The following MAST2 variants were observed in gnomAD, a reference collection of about 807,000 sequenced individuals.
MAST2 encodes microtubule associated serine/threonine kinase 2.
A neutral mutation model predicts 147.4 loss-of-function variants in MAST2; 70 were observed. The ratio of observed to expected loss-of-function variants is 0.47; its 90% CI spans 0.39 to 0.58. The LOEUF (loss-of-function observed/expected upper bound fraction) is 0.58, where lower values mean the gene tolerates loss of function less well. Among genes scored for constraint, MAST2 ranks in the 20% least tolerant of loss-of-function variants. The pLI is 0.00. For synonymous variants in MAST2, 869 were observed against 896.8 expected (o/e 0.97, Z 0.55); for missense variants, 2,080 against 2,302.3 (o/e 0.90, Z 1.98).
At chr1:45,880,015 G>A (rs2148274848) in intron 3 of MAST2, among the ~76,000 whole-genome samples, 1 of 152,286 alleles carries the variant, frequency 6.6e-6, no homozygotes, top group South Asian at 2.1e-4. Flanking sequence ...TTGTTAATGG[G>A]AATGTAGCAT....
Position 46,032,731 on chromosome 1 carries a change from C to T in MAST2, c.3537+13C>T, listed in dbSNP as rs747454616. 9 of 1,608,736 alleles carry T rather than the reference C, an allele frequency of 5.6e-6. 1 individual carries two copies. The highest frequency in any genetic ancestry group is 3.3e-4 in the Middle Eastern group (2 of 6,038). On this transcript the variant is annotated intron_variant, in intron 26 of 28. Coordinates refer to ENST00000361297, the MANE Select transcript of MAST2 (RefSeq NM_015112.3). ...GCTGATCCTGAAGGTTAGTGCTGGG[C>T]GTGCTGCCTGCATGGTCCCTGAATG...
chr1:45,883,912 G>GCGCCCCCC (rs1553221923), intron 4 of MAST2, among the ~76,000 whole-genome samples: 1 of 2,506 alleles, frequency 4.0e-4, no homozygotes, highest in Non-Finnish European at 1.0e-3. Context: ...TACTATTTCT[G>GCGCCCCCC]CCCCCCCCGC....
At chr1:46,003,265 C>A (rs1645347922) in intron 7 of MAST2, among the ~76,000 whole-genome samples, 1 of 152,152 alleles carries the variant, frequency 6.6e-6, no homozygotes, top group African/African-American at 2.4e-5. Context: ...ATCTGAAGCA[C>A]TTGGTAGACT....
intron 3 of MAST2, among the ~76,000 whole-genome samples, chr1:45,854,102 G>A (rs1237975039): frequency 6.6e-6 from 1 of 152,104 alleles, no homozygotes; most frequent in Non-Finnish European, 1.5e-5. Flanking sequence ...ACTTTGGGAG[G>A]CTAAGGTGGG....
At chr1:45,859,544 TG>T (rs1476759130) in intron 3 of MAST2, among the ~76,000 whole-genome samples, 1 of 152,200 alleles carries the variant, frequency 6.6e-6, no homozygotes, top group African/African-American at 2.4e-5. Flanking sequence ...TAATTTGTTG[TG>T]GCCAGACACA....
chr1:45,891,528 A>G (rs1439933261), intron 4 of MAST2, among the ~76,000 whole-genome samples: 1 of 152,172 alleles, frequency 6.6e-6, no homozygotes, highest in Non-Finnish European at 1.5e-5. Context: ...TTACCTACCT[A>G]TAACTTACAG....
intron 3 of MAST2, among the ~76,000 whole-genome samples, chr1:45,869,788 T>C (rs1389738900): frequency 1.3e-5 from 2 of 152,270 alleles, no homozygotes; most frequent in Admixed American, 6.5e-5. Flanking sequence ...GTATATTACC[T>C]TACTGGCTTA....
At chr1:45,873,165 A>G (rs1022686000) in intron 3 of MAST2, among the ~76,000 whole-genome samples, 4 of 150,988 alleles carry the variant, frequency 2.6e-5, no homozygotes, top group Non-Finnish European at 4.4e-5. Flanking sequence ...GGGTTAGATT[A>G]GAAAAATGCA....
chr1:45,937,461 C>A (rs1288060884), intron 4 of MAST2, among the ~76,000 whole-genome samples: 1 of 151,760 alleles, frequency 6.6e-6, no homozygotes. Flanking sequence ...TAAAATATGC[C>A]CATTGTGGTT....
intron 4 of MAST2, among the ~76,000 whole-genome samples, chr1:45,938,492 TA>T (rs1323002647): frequency 6.6e-6 from 1 of 151,980 alleles, no homozygotes; most frequent in Non-Finnish European, 1.5e-5. Context: ...CCCAGCTAAT[TA>T]TTATTTTTTT....
intron 3 of MAST2, among the ~76,000 whole-genome samples, chr1:45,872,738 C>T (rs944143856): frequency 1.3e-5 from 2 of 152,134 alleles, no homozygotes; most frequent in African/African-American, 4.8e-5. Flanking sequence ...GCCTCGGCCT[C>T]CCAAAGTGCT....
chr1:45,893,542 G>A (rs1648211718), intron 4 of MAST2, among the ~76,000 whole-genome samples: 1 of 150,366 alleles, frequency 6.7e-6, no homozygotes. Context: ...CACCTGGCCA[G>A]TATTTTAGAT....
rs200390538 is a variant in MAST2 at position 45,970,801 on chromosome 1, T to TTG, written c.592+11325_592+11326insGT. On this transcript the variant is annotated intron_variant, in intron 5 of 28. Coordinates refer to ENST00000361297, the MANE Select transcript of MAST2 (RefSeq NM_015112.3). ...CTTCGCTGACAGACTAAGAAGTGTT[T>TTG]TTTTTTTTTTTTTTCTCCTCCAGTT... Among the ~76,000 whole-genome samples, 506 of 150,750 alleles carry TTG rather than the reference T, an allele frequency of 3.4e-3. 5 individuals are homozygous for TTG. Among genetic ancestry groups the TTG allele is most frequent in the African/African-American group, 0.011 (456 of 41,110 alleles).
chr1:46,035,122 C>G lies in MAST2; in HGVS notation c.4453C>G (p.Arg1485Gly). 2 of 1,613,582 alleles carry G rather than the reference C, an allele frequency of 1.2e-6. No homozygotes were observed. Among genetic ancestry groups the G allele is most frequent in the Non-Finnish European group, 1.7e-6 (2 of 1,179,980 alleles). The stretch of plus-strand genomic sequence containing the variant: ...GGCCCTAGGCACCCTCCGGCAGGAC[C>G]GAGCCGAACGACGGGAGTCGCTGCA... ...SRALGTLRQD[R>G]AERRESLQKQ... is the part of the protein sequence containing the mutation. Residue 1485 changes from arginine to glycine, a missense_variant, in exon 29 of 29, where the codon CGA becomes GGA. This residue lies in a region of MAST2 where 1,278 missense variants were observed against 1,304.2 expected (regional missense o/e 0.98). Coordinates refer to ENST00000361297, the MANE Select transcript of MAST2 (RefSeq NM_015112.3). This position sits in a 1 kb window ranked among gnomAD's most constrained non-coding sequence, Gnocchi z 5.5.
At chr1:45,933,984 G>T (rs143711129) in intron 4 of MAST2, among the ~76,000 whole-genome samples, 3 of 151,542 alleles carry the variant, frequency 2.0e-5, no homozygotes, top group Non-Finnish European at 2.9e-5. Flanking sequence ...ATTGTGTGTT[G>T]TGGGGATTTG....
At chr1:45,934,371 A>C (rs1431499191) in intron 4 of MAST2, among the ~76,000 whole-genome samples, 2 of 152,098 alleles carry the variant, frequency 1.3e-5, no homozygotes, top group African/African-American at 4.8e-5. Flanking sequence ...CTGTATTTCC[A>C]GCTACTCGGG....
At position 46,033,992 on chromosome 1, in the gene MAST2, G is replaced by A. The variant is rs545825290; in HGVS notation, c.3674+54G>A. The A allele has an allele frequency of 4.9e-4, 791 of 1,608,722 alleles. 12 individuals carry two copies. The South Asian group carries it at 7.8e-3, about 16-fold the overall frequency. On this transcript the variant is annotated intron_variant, in intron 27 of 28. Transcript: ENST00000361297. ...CTCTGAGCCACATGAGTGCTGGTAC[G>A]TGGTGGGTGCCTTGGCCCTGGGGGT...
intron 4 of MAST2, among the ~76,000 whole-genome samples, chr1:45,934,526 A>T (rs1051705185): frequency 6.6e-6 from 1 of 152,048 alleles, no homozygotes; most frequent in Non-Finnish European, 1.5e-5. Flanking sequence ...TCTGGGTTCA[A>T]GTGATTCTCA....
intron 1 of MAST2, among the ~76,000 whole-genome samples, chr1:45,812,220 T>C (rs1644324259): frequency 6.6e-6 from 1 of 152,156 alleles, no homozygotes; most frequent in Non-Finnish European, 1.5e-5. Flanking sequence ...CTTTCCCTCT[T>C]ATCCAGGGTA....
Sources: allele counts gnomAD v4.1 joint callset (sites outside exome capture counted in the v4.1 genomes callset), GRCh38; gene constraint gnomAD v4.1.1; regional missense constraint gnomAD v4.1.1; non-coding constraint Gnocchi (gnomAD v3.1); transcripts MANE v1.5; gene names NCBI Gene and HGNC (gene_info 2026-07-23, HGNC 2026-07-21).